Variants in BRINP3 observed in about 807,000 individuals in gnomAD.
The protein encoded by BRINP3 is BMP/retinoic acid-inducible neural-specific protein 3.
BRINP3 carries 19 observed loss-of-function variants against 71.0 expected under a neutral mutation model. The ratio of observed to expected loss-of-function variants is 0.27; its 90% confidence interval spans 0.19 to 0.39. BRINP3 has a LOEUF of 0.39. Among genes scored for constraint, BRINP3 ranks in the 10% least tolerant of loss-of-function variants. The pLI, the probability that BRINP3 is intolerant of heterozygous loss-of-function variation, is 1.00. For synonymous variants in BRINP3, 380 were observed against 337.7 expected (o/e 1.13, Z -1.37); for missense variants, 959 against 940.8 (o/e 1.02, Z -0.25).
At position 190,454,651 on chromosome 1, in the gene BRINP3, A is replaced by G. The variant is rs1403945614; in HGVS notation, c.236+4T>C. The G allele has an allele frequency of 6.2e-7, 1 of 1,610,848 alleles. No homozygotes were observed. Among genetic ancestry groups the G allele is most frequent in the Non-Finnish European group, 8.5e-7 (1 of 1,177,488 alleles). On this transcript the variant is annotated splice_donor_region_variant and intron_variant, in intron 2 of 7. Transcript: ENST00000367462. ...TCTGTAATTGCTTTCCCTTTGCTTC[A>G]TACCTGTATATCTTGTATCTTGTGC...
At chr1:190,205,799 C>G (rs1458125922) in intron 6 of BRINP3, among the ~76,000 whole-genome samples, 1 of 151,978 alleles carries the variant, frequency 6.6e-6, no homozygotes, top group East Asian at 1.9e-4. Flanking sequence ...AAACATTTTG[C>G]TTCCTTACCC....
At chr1:190,384,841 TATC>T (rs573279866) in intron 2 of BRINP3, among the ~76,000 whole-genome samples, 51 of 152,058 alleles carry the variant, frequency 3.4e-4, no homozygotes, top group African/African-American at 1.1e-3. Context: ...TTCTCAGATT[TATC>T]ATATAAGAAA....
chr1:190,359,159 A>G (rs1296915321), intron 2 of BRINP3, among the ~76,000 whole-genome samples: 1 of 152,168 alleles, frequency 6.6e-6, no homozygotes, highest in Non-Finnish European at 1.5e-5. Context: ...TTAAAGTATA[A>G]TAACAAATAA....
In BRINP3 at chr1:190,261,783, C is replaced by A. The variant is rs189284255; in HGVS notation, c.618+3082G>T. ...TCAAAGAAATTGTGAATCTTGTTATCCTTAGTTTGACAATTTAAAGCATAC... is the reference window on the plus strand; with the variant it reads ...TCAAAGAAATTGTGAATCTTGTTATACTTAGTTTGACAATTTAAAGCATAC... On this transcript the variant is annotated intron_variant, in intron 4 of 7. Transcript: ENST00000367462. 1.8e-3 allele frequency among the ~76,000 whole-genome samples: 276 copies of A among 152,202 alleles called. 1 individual carries two copies. The highest frequency in any genetic ancestry group is 1.9e-3 in the Non-Finnish European group (126 of 68,018).
chr1:190,267,117 A>G (rs1368267972), intron 3 of BRINP3, among the ~76,000 whole-genome samples: 1 of 152,196 alleles, frequency 6.6e-6, no homozygotes, highest in Non-Finnish European at 1.5e-5. Flanking sequence ...AAAAGTAATG[A>G]TAGAAATATA....
intron 2 of BRINP3, among the ~76,000 whole-genome samples, chr1:190,388,287 A>G (rs1348004703): frequency 6.6e-6 from 1 of 151,818 alleles, no homozygotes; most frequent in African/African-American, 2.4e-5. Flanking sequence ...CTGTTAATCA[A>G]TAATATTTTT....
intron 7 of BRINP3, among the ~76,000 whole-genome samples, chr1:190,137,654 T>TA (rs1655089044): frequency 6.6e-6 from 1 of 152,110 alleles, no homozygotes; most frequent in Non-Finnish European, 1.5e-5. Flanking sequence ...CAAGAAGTGA[T>TA]ACGCCATTTG....
At chr1:190,371,086 A>G (rs1339035531) in intron 2 of BRINP3, among the ~76,000 whole-genome samples, 1 of 152,148 alleles carries the variant, frequency 6.6e-6, no homozygotes, top group African/African-American at 2.4e-5. Context: ...GCCTCTTATC[A>G]CATCTTTGGT....
At chr1:190,183,361 A>G in intron 6 of BRINP3, among the ~76,000 whole-genome samples, 1 of 152,002 alleles carries the variant, frequency 6.6e-6, no homozygotes. Flanking sequence ...AAATTCCCAA[A>G]TTTTAGGTAT....
intron 2 of BRINP3, among the ~76,000 whole-genome samples, chr1:190,319,350 T>G (rs1244406837): frequency 6.6e-6 from 1 of 152,168 alleles, no homozygotes; most frequent in Non-Finnish European, 1.5e-5. Flanking sequence ...TTTCACACTG[T>G]GTATTCCTGT....
intron 2 of BRINP3, among the ~76,000 whole-genome samples, chr1:190,439,747 T>C (rs1674694700): frequency 6.6e-6 from 1 of 151,898 alleles, no homozygotes; most frequent in Admixed American, 6.6e-5. Flanking sequence ...AAGTAGAAAA[T>C]TTGAGTTTTT....
At position 190,097,784 on chromosome 1, in the gene BRINP3, A is replaced by G. The variant is rs1418280439; in HGVS notation, c.*234T>C. 2.4e-6 allele frequency: 1 copy of G among 422,948 alleles called. No homozygotes were observed. The highest frequency in any genetic ancestry group is 2.0e-5 in the African/African-American group (1 of 49,516). 26.2% of individuals were successfully genotyped at this position (422,948 alleles called of 1,614,324 possible). ...ATTACAAATGAAATTTATTGTAAAA[A>G]GTAGAATGTCTTCTAGACTGGTGTC... is the stretch of plus-strand genomic sequence containing the variant. On this transcript the variant is annotated 3_prime_UTR_variant, in exon 8 of 8. Transcript: ENST00000367462.
chr1:190,437,142 A>AT (rs916429942), intron 2 of BRINP3, among the ~76,000 whole-genome samples: 32 of 151,746 alleles, frequency 2.1e-4, no homozygotes, highest in Non-Finnish European at 2.5e-4. Flanking sequence ...ACTTCAATGG[A>AT]TTTTTTCAGC....
intron 2 of BRINP3, among the ~76,000 whole-genome samples, chr1:190,390,080 C>T (rs1671157244): frequency 6.6e-6 from 1 of 151,668 alleles, no homozygotes; most frequent in Non-Finnish European, 1.5e-5. Context: ...AGGACAACTA[C>T]TAGAGCAGTA....
At chr1:190,427,252 A>G (rs1188361683) in intron 2 of BRINP3, among the ~76,000 whole-genome samples, 1 of 151,888 alleles carries the variant, frequency 6.6e-6, no homozygotes, top group East Asian at 1.9e-4. Context: ...TGTAAATAGA[A>G]TAAAGAACAT....
intron 6 of BRINP3, among the ~76,000 whole-genome samples, chr1:190,181,916 T>G (rs1017209769): frequency 6.6e-6 from 1 of 152,056 alleles, no homozygotes; most frequent in Non-Finnish European, 1.5e-5. Flanking sequence ...CAAAATTATC[T>G]TAGTTTTCCT....
In BRINP3 at chr1:190,195,033, T is replaced by C. The variant is rs1389292467; in HGVS notation, c.961+31049A>G. 2.0e-5 allele frequency among the ~76,000 whole-genome samples: 3 copies of C among 152,038 alleles called. No homozygotes were observed. The East Asian group carries it at 5.8e-4, about 29-fold the overall frequency. On this transcript the variant is annotated intron_variant, in intron 6 of 7. Transcript: ENST00000367462. ...TTCATGCTTTCTTTCAACATGAAGT[T>C]TAAAAAAAAATTATAAGCATTTAAG...
chr1:190,342,796 T>C (rs1667749833), intron 2 of BRINP3: 1 of 151,832 alleles, frequency 6.6e-6, no homozygotes, highest in South Asian at 2.1e-4. Flanking sequence ...ATAAACTACA[T>C]GTACATTTTT....
At chr1:190,228,094 C>A (rs916724450) in intron 5 of BRINP3, among the ~76,000 whole-genome samples, 1 of 151,832 alleles carries the variant, frequency 6.6e-6, no homozygotes, top group African/African-American at 2.4e-5. Flanking sequence ...TGTATTTGAT[C>A]TAAGGCAAGT....
Sources: gnomAD v4.1 joint callset for allele counts (sites outside exome capture counted in the v4.1 genomes callset) on GRCh38, gnomAD v4.1.1 for gene constraint, MANE v1.5 for transcripts, NCBI Gene and HGNC (gene_info 2026-07-23, HGNC 2026-07-21) for gene names.